The following TPD52L2 variants were observed in gnomAD, a reference collection of about 807,000 sequenced individuals.
TPD52L2 encodes the protein TPD52 like 2.
TPD52L2 carries 19 observed loss-of-function variants against 24.7 expected under a neutral mutation model. That is an observed-to-expected ratio of 0.77 (90% CI 0.54 to 1.13). TPD52L2 has a LOEUF of 1.13. TPD52L2 is among the 50% of genes most tolerant of loss of function. The pLI is 0.00. For missense variants in TPD52L2, 236 were observed against 250.4 expected, an observed-to-expected ratio of 0.94 and a Z score of 0.39; for synonymous variants, 104 against 100.2, an observed-to-expected ratio of 1.04 and a Z score of -0.23.
chr20:63,865,859 C>G (rs1320548048), intron 1 of TPD52L2, among the ~76,000 whole-genome samples: 3 of 152,216 alleles, frequency 2.0e-5, no homozygotes, highest in Non-Finnish European at 4.4e-5. Flanking sequence ...CAGAGCTCCC[C>G]TTGGGCAGCA....
chr20:63,871,353 ATTTTT>A (rs368018116), intron 2 of TPD52L2, among the ~76,000 whole-genome samples: 1 of 124,090 alleles, frequency 8.1e-6, no homozygotes, highest in African/African-American at 3.0e-5. Context: ...AAGAAAGAGA[ATTTTT>A]TTTTTTTTAA....
intron 4 of TPD52L2, chr20:63,876,924 G>A (rs1265663395): frequency 4.4e-6 from 2 of 454,574 alleles, no homozygotes; most frequent in Admixed American, 2.4e-5. Flanking sequence ...GGTATTCCAG[G>A]GACCCGGGCG....
intron 1 of TPD52L2, among the ~76,000 whole-genome samples, chr20:63,866,100 C>A (rs546830787): frequency 6.6e-6 from 1 of 152,028 alleles, no homozygotes; most frequent in Non-Finnish European, 1.5e-5. Context: ...TTCTTTCTTT[C>A]TTTCTTTCTT....
At chr20:63,884,013 C>T (rs1475184389) in intron 5 of TPD52L2, among the ~76,000 whole-genome samples, 2 of 152,204 alleles carry the variant, frequency 1.3e-5, no homozygotes, top group African/African-American at 4.8e-5. Context: ...ATGGCCACTG[C>T]CCAGGAGCTG....
rs530445425 is a variant in TPD52L2, at chr20:63,889,775, G to A, written c.526-75G>A. 58 of 1,409,440 alleles carry A rather than the reference G, an allele frequency of 4.1e-5. No homozygotes were observed. In the Middle Eastern group the frequency reaches 7.2e-4, roughly 18 times the overall value. The allele number at this position is 1,409,440 out of a possible 1,614,324, so 87.3% of individuals were successfully genotyped here. On this transcript the variant is annotated intron_variant, in intron 6 of 6. Coordinates refer to ENST00000346249, the MANE Select transcript of TPD52L2 (RefSeq NM_003288.4). ...TACATAAGCTTTTGTAGAGCATTGA[G>A]CATGGGCCTGGGATCTGCCTTGTGT...
chr20:63,867,402 CTAAAAATAAAA>C (rs1175471947), intron 1 of TPD52L2, among the ~76,000 whole-genome samples: 1 of 151,994 alleles, frequency 6.6e-6, no homozygotes, highest in Non-Finnish European at 1.5e-5. Context: ...CCCGTCTCTA[CTAAAAATAAAA>C]AAATTAACCG....
At chr20:63,883,171 G>A (rs2052963256) in intron 5 of TPD52L2, among the ~76,000 whole-genome samples, 1 of 152,156 alleles carries the variant, frequency 6.6e-6, no homozygotes, top group South Asian at 2.1e-4. Context: ...AGTGTGGGAC[G>A]GCAGTCCTCC....
chr20:63,888,079 G>C (rs1378249226), intron 5 of TPD52L2: 3 of 182,474 alleles, frequency 1.6e-5, no homozygotes, highest in Non-Finnish European at 3.5e-5. Flanking sequence ...TGATTCTCAG[G>C]AGAGCCCAGA....
At chr20:63,887,301 G>A in intron 5 of TPD52L2, 2 of 594,218 alleles carry the variant, frequency 3.4e-6, no homozygotes, top group South Asian at 1.9e-5. Flanking sequence ...CCCAAGCCTG[G>A]TCTCCTCACA....
In TPD52L2 at chr20:63,875,874, C is replaced by T; in HGVS notation, c.373C>T (p.Leu125Phe). ...GAATGAGAAAGTGACCCAGTCAGAC[C>T]TGTGAGTGCCTGTATCATCAGCACC... The part of the protein sequence containing the change: ...EWNEKVTQSD[L>F]YKKTQETLSQ... Residue 125 changes from leucine (L) to phenylalanine (F), a missense_variant and splice_region_variant, in exon 4 of 7, where the codon CTC (leucine) becomes TTC (phenylalanine). By Grantham distance (22) the Leu-to-Phe change is conservative (BLOSUM62 0). Coordinates refer to ENST00000346249, the MANE Select transcript of TPD52L2 (RefSeq NM_003288.4). The T allele has an allele frequency of 1.2e-6, 2 of 1,614,142 alleles. No homozygotes were observed. Among genetic ancestry groups the T allele is most frequent in the Non-Finnish European group, 1.7e-6 (2 of 1,179,998 alleles).
At chr20:63,870,422 G>T (rs1254821858) in intron 2 of TPD52L2, among the ~76,000 whole-genome samples, 1 of 151,500 alleles carries the variant, frequency 6.6e-6, no homozygotes, top group Non-Finnish European at 1.5e-5. Context: ...GTAGCAGGAA[G>T]TCCAAGGACA....
chr20:63,870,347 G>C (rs1275863271), intron 2 of TPD52L2, among the ~76,000 whole-genome samples: 1 of 152,118 alleles, frequency 6.6e-6, no homozygotes, highest in African/African-American at 2.4e-5. Context: ...CGCTGAGTCT[G>C]AGGACCAGGT....
At chr20:63,875,064 C>A (rs1210065793) in intron 3 of TPD52L2, among the ~76,000 whole-genome samples, 2 of 151,690 alleles carry the variant, frequency 1.3e-5, no homozygotes, top group Non-Finnish European at 2.9e-5. Flanking sequence ...ATCTCTTTAA[C>A]CCGGGAGGCG....
chr20:63,879,723 C>T (rs1254869371), intron 4 of TPD52L2, among the ~76,000 whole-genome samples: 18 of 133,750 alleles, frequency 1.3e-4, no homozygotes, highest in Non-Finnish European at 2.2e-4. Flanking sequence ...GGTGCAGCTT[C>T]CCCATCCCCA....
In TPD52L2 at chr20:63,873,651, AACTGCATGCTTTGC is replaced by A; in HGVS notation, c.166-15_166-2del. 2 of 1,610,692 alleles carry A rather than the reference AACTGCATGCTTTGC, an allele frequency of 1.2e-6. No homozygotes were observed. Among genetic ancestry groups the A allele is most frequent in the Non-Finnish European group, 1.7e-6 (2 of 1,178,726 alleles). ...TGCAGTAGTGATGGCTCATCATGTC[AACTGCATGCTTTGC>A]AGGTGGAAGAGGAAATTGTCACTCT... On this transcript the variant is annotated splice_region_variant and splice_polypyrimidine_tract_variant and intron_variant, in intron 2 of 6. Transcript: ENST00000346249.
At chr20:63,874,770 G>T (rs2052604486) in intron 3 of TPD52L2, among the ~76,000 whole-genome samples, 1 of 152,196 alleles carries the variant, frequency 6.6e-6, no homozygotes, top group African/African-American at 2.4e-5. Context: ...AGAGAGCACT[G>T]ATCAGGTCCT....
At chr20:63,889,156 C>A in intron 5 of TPD52L2, 34 bp from the exon 6 acceptor site, 2 of 1,607,880 alleles carry the variant, frequency 1.2e-6, no homozygotes, top group African/African-American at 2.7e-5. Context: ...ACCCTCTCCT[C>A]TTGACACCGA....
At chr20:63,889,106 C>G in intron 5 of TPD52L2, 84 bp from the exon 6 acceptor site, 1 of 1,215,340 alleles carries the variant, frequency 8.2e-7, no homozygotes, top group Non-Finnish European at 1.2e-6. Context: ...TGGAGGCTGG[C>G]CCTAACCCTG....
chr20:63,890,087 G>T lies in TPD52L2; in HGVS notation c.*142G>T, dbSNP rs2053276643. ...CAGTCCTGCCCATCCACGCGGAGAT[G>T]TGGCTGCCGCGTTTGCATGAATTTG... On this transcript the variant is annotated 3_prime_UTR_variant, in exon 7 of 7. Transcript: ENST00000346249. The T allele has an allele frequency of 6.7e-7, 1 of 1,498,928 alleles. No individual in the cohort carries two copies. 92.9% of individuals were successfully genotyped at this position (1,498,928 alleles called of 1,614,324 possible).
Sources: gnomAD v4.1 joint callset for allele counts (sites outside exome capture counted in the v4.1 genomes callset) on GRCh38, gnomAD v4.1.1 for gene constraint, MANE v1.5 for transcripts, NCBI Gene and HGNC (gene_info 2026-07-23, HGNC 2026-07-21) for gene names.